CADM2: variants seen among roughly 807,000 people sequenced by gnomAD.
CADM2 encodes cell adhesion molecule 2.
A neutral mutation model predicts 49.8 loss-of-function variants in CADM2; 12 were observed. The observed-to-expected ratio is 0.24, with a 90% CI of 0.15 to 0.39. The LOEUF is 0.39. Ranked by LOEUF, CADM2 falls within the 10% of genes least tolerant of loss-of-function variation. The pLI is 1.00. For synonymous variants in CADM2, 214 were observed against 175.4 expected, an observed-to-expected ratio of 1.22 and a Z score of -1.74; for missense variants, 378 against 492.3, an observed-to-expected ratio of 0.77 and a Z score of 2.20.
intron 8 of CADM2, among the ~76,000 whole-genome samples, chr3:86,006,846 G>A (rs1427871957): frequency 1.3e-5 from 2 of 151,928 alleles, no homozygotes; most frequent in Non-Finnish European, 2.9e-5. Context: ...TTCGAGACAA[G>A]CCTGGCCAAC....
intron 8 of CADM2, among the ~76,000 whole-genome samples, chr3:85,995,831 T>A (rs1729327919): frequency 6.6e-6 from 1 of 152,150 alleles, no homozygotes; most frequent in African/African-American, 2.4e-5. Flanking sequence ...GTCTCACGCC[T>A]GTAATTCCAG....
chr3:85,643,086 A>G (rs1490261321), intron 1 of CADM2, among the ~76,000 whole-genome samples: 2 of 152,148 alleles, frequency 1.3e-5, no homozygotes, highest in Non-Finnish European at 2.9e-5. Flanking sequence ...CAATTATAAT[A>G]TTGATTGTTC....
chr3:86,032,950 T>C (rs558014812), intron 8 of CADM2, among the ~76,000 whole-genome samples: 122 of 152,042 alleles, frequency 8.0e-4, no homozygotes, highest in African/African-American at 2.7e-3. Flanking sequence ...TCATTTCCTT[T>C]GTATTTTAAG....
At chr3:85,039,368 A>T (rs958669213) in intron 1 of CADM2, among the ~76,000 whole-genome samples, 3 of 145,904 alleles carry the variant, frequency 2.1e-5, no homozygotes, top group East Asian at 4.1e-4. Context: ...AAGATAATGT[A>T]TTTTTTTTTT....
At chr3:85,531,274 A>T (rs2061303220) in intron 1 of CADM2, among the ~76,000 whole-genome samples, 1 of 152,128 alleles carries the variant, frequency 6.6e-6, no homozygotes. Context: ...GAGAATAATT[A>T]TAACACCTTT....
intron 1 of CADM2, among the ~76,000 whole-genome samples, chr3:85,521,733 G>A (rs1270602030): frequency 1.3e-5 from 2 of 152,090 alleles, no homozygotes; most frequent in African/African-American, 2.4e-5. Context: ...TATTGAATTC[G>A]TTCACATTTG....
intron 1 of CADM2, among the ~76,000 whole-genome samples, chr3:85,604,810 TA>T (rs1272107531): frequency 6.6e-6 from 1 of 151,988 alleles, no homozygotes; most frequent in African/African-American, 2.4e-5. Context: ...ATAGAGGGCT[TA>T]GGGGGAATGC....
At chr3:85,618,516 T>G (rs1377458358) in intron 1 of CADM2, among the ~76,000 whole-genome samples, 2 of 152,152 alleles carry the variant, frequency 1.3e-5, no homozygotes, top group Admixed American at 1.3e-4. Context: ...TTTTGTACTG[T>G]TGCTTAATTC....
chr3:84,969,399 T>C (rs1173568679), intron 1 of CADM2, among the ~76,000 whole-genome samples: 1 of 151,980 alleles, frequency 6.6e-6, no homozygotes, highest in Non-Finnish European at 1.5e-5. Flanking sequence ...ATTTATGTGT[T>C]CTTATTTCAT....
chr3:85,856,738 A>G (rs1037360686), intron 3 of CADM2, among the ~76,000 whole-genome samples: 6 of 152,222 alleles, frequency 3.9e-5, no homozygotes, highest in African/African-American at 1.4e-4. Flanking sequence ...TGAAATACAA[A>G]ATGAAGAATT....
chr3:85,100,930 A>T (rs2037986831), intron 1 of CADM2, among the ~76,000 whole-genome samples: 1 of 152,300 alleles, frequency 6.6e-6, no homozygotes, highest in African/African-American at 2.4e-5. Flanking sequence ...GCTGAACATT[A>T]GGAAAAATTT....
intron 8 of CADM2, among the ~76,000 whole-genome samples, chr3:85,983,611 C>T (rs1727730597): frequency 6.6e-6 from 1 of 151,664 alleles, no homozygotes; most frequent in South Asian, 2.1e-4. Context: ...GCAGTTGTAT[C>T]ATACCATTAA....
intron 8 of CADM2, among the ~76,000 whole-genome samples, chr3:85,962,985 C>G (rs1392254211): frequency 6.6e-6 from 1 of 151,708 alleles, no homozygotes; most frequent in Non-Finnish European, 1.5e-5. Context: ...ATTTGGGGGT[C>G]TAGTATATTT....
At chr3:85,163,031 A>C (rs1262616289) in intron 1 of CADM2, among the ~76,000 whole-genome samples, 1 of 152,068 alleles carries the variant, frequency 6.6e-6, no homozygotes, top group East Asian at 1.9e-4. Flanking sequence ...CTCAGTCTCA[A>C]ACTTAACATG....
chr3:85,363,070 GGTCT>G (rs1417379745), intron 1 of CADM2, among the ~76,000 whole-genome samples: 1 of 152,058 alleles, frequency 6.6e-6, no homozygotes, highest in Admixed American at 6.6e-5. Flanking sequence ...GTCTCCTTAG[GGTCT>G]GTCTTTTGGT....
chr3:85,826,296 G>T (rs949022043), intron 3 of CADM2, among the ~76,000 whole-genome samples: 2 of 151,966 alleles, frequency 1.3e-5, no homozygotes, highest in African/African-American at 4.8e-5. Flanking sequence ...TTTGTGTAAA[G>T]CTGCCCACTG....
chr3:85,339,426 T>G (rs1290059046), intron 1 of CADM2, among the ~76,000 whole-genome samples: 1 of 151,564 alleles, frequency 6.6e-6, no homozygotes, highest in East Asian at 1.9e-4. Flanking sequence ...TTACTTTCTC[T>G]AGTTTATAGA....
chr3:85,134,867 G>A (rs2039367547), intron 1 of CADM2, among the ~76,000 whole-genome samples: 2 of 151,984 alleles, frequency 1.3e-5, no homozygotes, highest in Admixed American at 1.3e-4. Context: ...CCCAAATGGG[G>A]ATATAATTTC....
chr3:85,803,770 C>G (rs1435853833), intron 3 of CADM2, among the ~76,000 whole-genome samples: 1 of 152,050 alleles, frequency 6.6e-6, no homozygotes, highest in Admixed American at 6.6e-5. Context: ...GGAGAATAAT[C>G]TGCTTTACTC....
Sources: gnomAD v4.1 joint callset for allele counts (sites outside exome capture counted in the v4.1 genomes callset) on GRCh38, gnomAD v4.1.1 for gene constraint, MANE v1.5 for transcripts, NCBI Gene and HGNC (gene_info 2026-07-23, HGNC 2026-07-21) for gene names.